Variants in ANKS1B observed in about 807,000 individuals in gnomAD.
ANKS1B encodes ankyrin repeat and sterile alpha motif domain-containing protein 1B.
ANKS1B carries 36 observed loss-of-function variants against 148.3 expected under a neutral mutation model. That is an observed-to-expected ratio of 0.24 (90% CI 0.19 to 0.32). The LOEUF is 0.32. ANKS1B is among the 10% of genes least tolerant of loss of function. The probability of loss-of-function intolerance (pLI) is 1.00; values close to 1 mark genes in which losing one functional copy is unlikely to be tolerated. For synonymous variants in ANKS1B, 542 were observed against 560.8 expected, an observed-to-expected ratio of 0.97 and a Z score of 0.47; for missense variants, 1,157 against 1,542.6, an observed-to-expected ratio of 0.75 and a Z score of 4.19.
chr12:99,347,446 T>TGAAAGCAG (rs1474222484), intron 12 of ANKS1B, among the ~76,000 whole-genome samples: 1 of 151,942 alleles, frequency 6.6e-6, no homozygotes, highest in Non-Finnish European at 1.5e-5. Context: ...TCAGACTCTG[T>TGAAAGCAG]GAAAGCAGGA....
chr12:99,135,222 A>G (rs1260981079), intron 15 of ANKS1B, among the ~76,000 whole-genome samples: 1 of 152,208 alleles, frequency 6.6e-6, no homozygotes, highest in Non-Finnish European at 1.5e-5. Flanking sequence ...CCTAGAGTGT[A>G]AGATGAAAAT....
intron 17 of ANKS1B, among the ~76,000 whole-genome samples, chr12:98,946,537 T>C (rs549621776): frequency 1.8e-4 from 28 of 152,184 alleles, no homozygotes; most frequent in African/African-American, 6.7e-4. Context: ...ATAAATCTAA[T>C]AAATCAGGAA....
At chr12:99,462,955 G>A (rs2096009889) in intron 10 of ANKS1B, among the ~76,000 whole-genome samples, 2 of 152,110 alleles carry the variant, frequency 1.3e-5, no homozygotes, top group Non-Finnish European at 2.9e-5. Context: ...ATTGTAAGCT[G>A]AGCAGATGTT....
intron 10 of ANKS1B, among the ~76,000 whole-genome samples, chr12:99,467,154 T>C (rs919103207): frequency 1.3e-5 from 2 of 152,200 alleles, no homozygotes; most frequent in Non-Finnish European, 2.9e-5. Flanking sequence ...TCAATAAATG[T>C]AATCCAGCAT....
At chr12:99,615,945 C>A (rs1332019990) in intron 9 of ANKS1B, among the ~76,000 whole-genome samples, 1 of 152,148 alleles carries the variant, frequency 6.6e-6, no homozygotes, top group Non-Finnish European at 1.5e-5. Flanking sequence ...AGCAAAGTCT[C>A]AGGGTACAAA....
intron 4 of ANKS1B, among the ~76,000 whole-genome samples, chr12:99,799,460 T>G (rs2066667896): frequency 6.6e-6 from 1 of 152,094 alleles, no homozygotes; most frequent in African/African-American, 2.4e-5. Context: ...TCACTGCAAT[T>G]TATCATTTTT....
At chr12:98,904,812 T>C (rs1290840092) in intron 17 of ANKS1B, among the ~76,000 whole-genome samples, 1 of 152,214 alleles carries the variant, frequency 6.6e-6, no homozygotes, top group Admixed American at 6.5e-5. Context: ...ATACCTACTA[T>C]GTGCCAGGTC....
chr12:98,955,750 T>C (rs1031816338), intron 17 of ANKS1B, among the ~76,000 whole-genome samples: 1 of 152,098 alleles, frequency 6.6e-6, no homozygotes. Context: ...TCAAGTGAGA[T>C]GGGGGAAGGC....
At chr12:99,578,480 CTAGAA>C (rs2097539594) in intron 9 of ANKS1B, among the ~76,000 whole-genome samples, 1 of 151,994 alleles carries the variant, frequency 6.6e-6, no homozygotes, top group Non-Finnish European at 1.5e-5. Flanking sequence ...CCAAAAGCTC[CTAGAA>C]TAAACAACTT....
intron 1 of ANKS1B, among the ~76,000 whole-genome samples, chr12:99,878,871 C>CCT (rs2092305954): frequency 1.3e-5 from 2 of 152,044 alleles, no homozygotes; most frequent in African/African-American, 4.8e-5. Flanking sequence ...TCTCATCTTT[C>CCT]TGAGGGTACT....
chr12:98,898,291 A>G (rs2099767620), intron 17 of ANKS1B, among the ~76,000 whole-genome samples: 1 of 152,236 alleles, frequency 6.6e-6, no homozygotes, highest in Non-Finnish European at 1.5e-5. Flanking sequence ...ATTTGGTGAT[A>G]TTCTCCAGTA....
chr12:99,095,029 G>C (rs866819118), intron 15 of ANKS1B, among the ~76,000 whole-genome samples: 2 of 18,546 alleles, frequency 1.1e-4, no homozygotes, highest in Admixed American at 9.1e-4. Flanking sequence ...GTCTCACTGG[G>C]GGGGGGGTCA....
intron 17 of ANKS1B, among the ~76,000 whole-genome samples, chr12:98,871,812 C>A (rs10492271): frequency 5.5e-4 from 84 of 151,788 alleles, no homozygotes; most frequent in Non-Finnish European, 9.0e-4. Flanking sequence ...ATTTAAGCAA[C>A]GTGAAATCTC....
intron 15 of ANKS1B, among the ~76,000 whole-genome samples, chr12:99,112,530 T>G (rs755063998): frequency 6.6e-6 from 1 of 152,026 alleles, no homozygotes; most frequent in Non-Finnish European, 1.5e-5. Context: ...TGTGAGTTCC[T>G]TGAAAGTAGG....
intron 9 of ANKS1B, among the ~76,000 whole-genome samples, chr12:99,543,181 T>A (rs1214066558): frequency 6.6e-6 from 1 of 152,062 alleles, no homozygotes; most frequent in Non-Finnish European, 1.5e-5. Flanking sequence ...TAAGTATTTC[T>A]CTAAAGAAGA....
At chr12:99,867,794 GTGT>G (rs765873440) in intron 1 of ANKS1B, among the ~76,000 whole-genome samples, 5 of 152,122 alleles carry the variant, frequency 3.3e-5, no homozygotes, top group Admixed American at 6.6e-5. Context: ...TTCCAAATGT[GTGT>G]TGTTGTTGTT....
intron 17 of ANKS1B, chr12:98,894,795 G>T (rs1432458368): frequency 2.0e-6 from 2 of 984,630 alleles, no homozygotes; most frequent in African/African-American, 3.5e-5. Flanking sequence ...GGGCGAGCGC[G>T]CCGAGGAAGG....
chr12:99,453,638 G>C (rs530049849), intron 10 of ANKS1B, among the ~76,000 whole-genome samples: 1 of 152,128 alleles, frequency 6.6e-6, no homozygotes, highest in Non-Finnish European at 1.5e-5. Context: ...GAGGCATCCC[G>C]CTAAGTCCCT....
chr12:99,642,040 G>A (rs2098313231), intron 9 of ANKS1B, among the ~76,000 whole-genome samples: 1 of 152,142 alleles, frequency 6.6e-6, no homozygotes, highest in Non-Finnish European at 1.5e-5. Flanking sequence ...TTGGAATGTG[G>A]TAGGTACTCA....
Sources: allele counts gnomAD v4.1 joint callset (sites outside exome capture counted in the v4.1 genomes callset), GRCh38; gene constraint gnomAD v4.1.1; transcripts MANE v1.5; gene names NCBI Gene and HGNC (gene_info 2026-07-23, HGNC 2026-07-21).